The following STAG1 variants were observed in gnomAD, a reference collection of about 807,000 sequenced individuals.
STAG1 encodes the protein cohesin subunit SA-1.
A neutral mutation model predicts 170.9 loss-of-function variants in STAG1; 26 were observed. The ratio of observed to expected loss-of-function variants is 0.15; its 90% CI spans 0.11 to 0.21. The LOEUF is 0.21. Among genes scored for constraint, STAG1 ranks in the 10% least tolerant of loss-of-function variants. STAG1 has a pLI of 1.00. For missense variants in STAG1, 964 were observed against 1,509.5 expected, an observed-to-expected ratio of 0.64 and a Z score of 5.99; for synonymous variants, 514 against 497.7, an observed-to-expected ratio of 1.03 and a Z score of -0.44.
intron 6 of STAG1, among the ~76,000 whole-genome samples, chr3:136,531,534 G>C (rs1317504314): frequency 2.7e-5 from 4 of 150,812 alleles, no homozygotes; most frequent in Non-Finnish European, 4.4e-5. Context: ...TGATAGACTG[G>C]ATTAAGAAAA....
At chr3:136,358,016 AT>A (rs1196403216) in intron 27 of STAG1, among the ~76,000 whole-genome samples, 168 bp from the exon 28 acceptor site, 1 of 152,164 alleles carries the variant, frequency 6.6e-6, no homozygotes, top group East Asian at 1.9e-4. Context: ...ATTTGTGTAT[AT>A]TTATAGTATG....
chr3:136,611,710 G>A (rs1576666255), intron 3 of STAG1, among the ~76,000 whole-genome samples: 2 of 113,524 alleles, frequency 1.8e-5, no homozygotes, highest in South Asian at 5.6e-4. Flanking sequence ...TTGCCATGTT[G>A]CCCAGGCTGG....
Position 136,583,694 on chromosome 3 carries a change from CACA to C in STAG1, c.298-14836_298-14834del, listed in dbSNP as rs1473472404. 3.9e-5 allele frequency among the ~76,000 whole-genome samples: 6 copies of C among 152,252 alleles called. No individual in the cohort carries two copies. The South Asian group carries it at 8.3e-4, about 21-fold the overall frequency. On this transcript the variant is annotated intron_variant, in intron 4 of 33. Transcript: ENST00000383202. ...ATCCCAGCTACTTGGGAGGCTGAGGCACAACAATTGCTTAAACCCAGGAGGCAA... is the reference window on the plus strand; with the variant it reads ...ATCCCAGCTACTTGGGAGGCTGAGGCACAATTGCTTAAACCCAGGAGGCAA...
At chr3:136,709,083 G>T (rs1413501776) in intron 1 of STAG1, among the ~76,000 whole-genome samples, 1 of 150,612 alleles carries the variant, frequency 6.6e-6, no homozygotes, top group Non-Finnish European at 1.5e-5. Context: ...TGAGGTCAGG[G>T]GTTCAAGACC....
chr3:136,533,283 T>C (rs567627286), intron 6 of STAG1, among the ~76,000 whole-genome samples: 3 of 152,276 alleles, frequency 2.0e-5, no homozygotes, highest in Admixed American at 1.3e-4. Flanking sequence ...AGACAACTCA[T>C]GCTCATGAAT....
chr3:136,379,717 C>G (rs9811261), intron 22 of STAG1, among the ~76,000 whole-genome samples: 1 of 151,608 alleles, frequency 6.6e-6, no homozygotes, highest in Admixed American at 6.6e-5. Context: ...TCAACAACAA[C>G]AAAAAAGTGC....
intron 1 of STAG1, among the ~76,000 whole-genome samples, chr3:136,697,304 T>C (rs1335489417): frequency 6.6e-6 from 1 of 152,190 alleles, no homozygotes. Flanking sequence ...CCAGTCAGGG[T>C]ACAGTTCTCA....
At chr3:136,341,588 G>T in intron 30 of STAG1, 37 bp from the exon 31 acceptor site, 1 of 1,420,474 alleles carries the variant, frequency 7.0e-7, no homozygotes, top group Non-Finnish European at 9.9e-7. Flanking sequence ...TGTAGCAGCA[G>T]ATGATGAATT....
Position 136,623,201 on chromosome 3 carries a change from A to G in STAG1, c.77T>C (p.Leu26Pro). The G allele has an allele frequency of 6.2e-7, 1 of 1,613,854 alleles. No individual in the cohort carries two copies. Among genetic ancestry groups the G allele is most frequent in the Non-Finnish European group, 8.5e-7 (1 of 1,179,800 alleles). The change falls in exon 3 of 34, where the codon CTT becomes CCT. Residue 26 changes from leucine (L) to proline (P), a missense_variant. This residue lies in a region of STAG1 where 108 missense variants were observed against 120.2 expected (regional missense o/e 0.90). Transcript: ENST00000383202. ...TTAHSDAGSE[L>P]EETEVKGKRK... Reference sequence around the variant, plus strand: ...TTTTCCTTTGACCTCTGTTTCTTCAAGCTCGCTGCCAGCATCGGAATGGGC... The same window carrying G: ...TTTTCCTTTGACCTCTGTTTCTTCAGGCTCGCTGCCAGCATCGGAATGGGC...
At chr3:136,424,694 T>C (rs1375945583) in intron 16 of STAG1, among the ~76,000 whole-genome samples, 1 of 152,106 alleles carries the variant, frequency 6.6e-6, no homozygotes, top group Non-Finnish European at 1.5e-5. Flanking sequence ...AAAATACCTC[T>C]GAGGGGATAA....
intron 13 of STAG1, among the ~76,000 whole-genome samples, chr3:136,454,988 G>A (rs1428432327): frequency 6.6e-6 from 1 of 151,214 alleles, no homozygotes; most frequent in South Asian, 2.1e-4. Context: ...AATGATAAAA[G>A]AGATCATTAA....
At chr3:136,531,615 A>G (rs1034293015) in intron 6 of STAG1, among the ~76,000 whole-genome samples, 1 of 151,778 alleles carries the variant, frequency 6.6e-6, no homozygotes, top group African/African-American at 2.4e-5. Context: ...TTGTAGGGAC[A>G]TGGATGAAAT....
chr3:136,675,456 T>G (rs1942102460), intron 1 of STAG1, among the ~76,000 whole-genome samples: 1 of 152,216 alleles, frequency 6.6e-6, no homozygotes, highest in African/African-American at 2.4e-5. Context: ...TAAAGCTCTG[T>G]TTTATAAAGC....
intron 4 of STAG1, among the ~76,000 whole-genome samples, chr3:136,579,786 G>A (rs372953486): frequency 2.0e-5 from 3 of 151,840 alleles, no homozygotes; most frequent in Non-Finnish European, 2.9e-5. Context: ...TGTACTCCCC[G>A]TTCATCATAA....
intron 1 of STAG1, among the ~76,000 whole-genome samples, chr3:136,671,732 A>G (rs913994392): frequency 2.0e-5 from 3 of 152,160 alleles, no homozygotes; most frequent in African/African-American, 7.2e-5. Context: ...TTCTACAAAC[A>G]TTAGCTGGGC....
At chr3:136,580,996 A>G (rs1009074085) in intron 4 of STAG1, among the ~76,000 whole-genome samples, 5 of 151,946 alleles carry the variant, frequency 3.3e-5, no homozygotes, top group Non-Finnish European at 5.9e-5. Flanking sequence ...AGTCACAATT[A>G]TAAGAGAAAG....
chr3:136,507,113 A>C (rs1245075824), intron 7 of STAG1, among the ~76,000 whole-genome samples: 1 of 152,258 alleles, frequency 6.6e-6, no homozygotes, highest in Non-Finnish European at 1.5e-5. Flanking sequence ...TGAGGCACAG[A>C]TCAGCTAAAA....
chr3:136,462,948 T>C (rs960853280), intron 13 of STAG1, among the ~76,000 whole-genome samples: 1 of 152,158 alleles, frequency 6.6e-6, no homozygotes, highest in Non-Finnish European at 1.5e-5. Context: ...CATAAGTTTA[T>C]TTTTCTCTCT....
intron 4 of STAG1, among the ~76,000 whole-genome samples, chr3:136,590,891 C>G (rs960038915): frequency 6.6e-6 from 1 of 151,894 alleles, no homozygotes; most frequent in Non-Finnish European, 1.5e-5. Context: ...TTCATTTATC[C>G]AATTAGTTAT....
Sources: gnomAD v4.1 joint callset for allele counts (sites outside exome capture counted in the v4.1 genomes callset) on GRCh38, gnomAD v4.1.1 for gene constraint, gnomAD v4.1.1 regional missense constraint, MANE v1.5 for transcripts, NCBI Gene and HGNC (gene_info 2026-07-23, HGNC 2026-07-21) for gene names.